Variants in HYCC1 observed in about 807,000 individuals in gnomAD.
The protein encoded by HYCC1 is hyccin PI4KA lipid kinase complex subunit 1.
chr7:22,961,794 T>C, the HYCC1 span, among the ~76,000 whole-genome samples: 1 of 152,148 alleles, frequency 6.6e-6, no homozygotes, highest in East Asian at 1.9e-4. Context: ...ATTTGCTACA[T>C]GTTGCAAATA....
At chr7:22,945,925 A>T in the HYCC1 span, 1 of 1,613,826 alleles carries the variant, frequency 6.2e-7, no homozygotes, top group Non-Finnish European at 8.5e-7. Flanking sequence ...GGGCTCTCTG[A>T]GTTTGTTTTC....
the HYCC1 span, among the ~76,000 whole-genome samples, chr7:22,959,465 T>C: frequency 6.6e-6 from 1 of 152,296 alleles, no homozygotes. Context: ...ACCTCTAATA[T>C]ACACGTTTGC....
the HYCC1 span, chr7:22,947,293 A>T: frequency 2.7e-6 from 4 of 1,474,740 alleles, no homozygotes; most frequent in African/African-American, 4.2e-5. Context: ...AAAACAAAAC[A>T]AAAACGTGAA....
chr7:22,924,806 T>C, the HYCC1 span, among the ~76,000 whole-genome samples: 1 of 152,344 alleles, frequency 6.6e-6, no homozygotes, highest in South Asian at 2.1e-4. Context: ...GACTTAAATA[T>C]CCCTGTCTGA....
chr7:22,948,481 A>C, the HYCC1 span, among the ~76,000 whole-genome samples: 1 of 152,274 alleles, frequency 6.6e-6, no homozygotes, highest in South Asian at 2.1e-4. Context: ...ATTTATAATT[A>C]GTGTGAGATA....
chr7:22,927,362 A>G, the HYCC1 span, among the ~76,000 whole-genome samples: 16 of 142,596 alleles, frequency 1.1e-4, no homozygotes, highest in Admixed American at 9.9e-4. Flanking sequence ...TAGAGACACA[A>G]AAAAGCCTTC....
chr7:22,931,935 T>C, the HYCC1 span, among the ~76,000 whole-genome samples: 1 of 152,172 alleles, frequency 6.6e-6, no homozygotes, highest in Non-Finnish European at 1.5e-5. Flanking sequence ...ATAGTATAAA[T>C]GCAAGAGGTG....
the HYCC1 span, among the ~76,000 whole-genome samples, chr7:22,908,898 A>T: frequency 2.6e-5 from 4 of 152,324 alleles, no homozygotes; most frequent in East Asian, 1.9e-4. Flanking sequence ...AAAGCCAGTT[A>T]TGCAGGCAGT....
the HYCC1 span, among the ~76,000 whole-genome samples, chr7:22,962,458 A>C: frequency 8.7e-4 from 132 of 152,268 alleles, no homozygotes; most frequent in African/African-American, 3.0e-3. Flanking sequence ...AGAAAAGTAC[A>C]AAGAGCCAGC....
the HYCC1 span, among the ~76,000 whole-genome samples, chr7:22,913,932 GAAC>G: frequency 5.3e-5 from 8 of 152,194 alleles, no homozygotes; most frequent in Non-Finnish European, 1.0e-4. Context: ...CAGGTCCTCA[GAAC>G]AACCAGCCCA....
chr7:22,930,375 T>TAAAAAAAAAAAA, the HYCC1 span, among the ~76,000 whole-genome samples: 1 of 84,248 alleles, frequency 1.2e-5, no homozygotes, highest in Non-Finnish European at 2.4e-5. Flanking sequence ...AGAAACAAAG[T>TAAAAAAAAAAAA]AAAAAGAAAA....
chr7:22,923,196 C>T, the HYCC1 span, among the ~76,000 whole-genome samples: 2 of 152,060 alleles, frequency 1.3e-5, no homozygotes, highest in Non-Finnish European at 2.9e-5. Context: ...AAAGGACATA[C>T]ATAATACAAA....
At chr7:22,924,856 T>G in the HYCC1 span, among the ~76,000 whole-genome samples, 1 of 152,076 alleles carries the variant, frequency 6.6e-6, no homozygotes, top group Non-Finnish European at 1.5e-5. Context: ...GCATGCAGTT[T>G]GAGATCTGAG....
At chr7:22,995,349 G>A in the HYCC1 span, among the ~76,000 whole-genome samples, 1 of 151,990 alleles carries the variant, frequency 6.6e-6, no homozygotes, top group Admixed American at 6.6e-5. Flanking sequence ...CTTAAATCTT[G>A]GTGATTTTTT....
chr7:22,946,961 C>T, the HYCC1 span: 1 of 1,546,444 alleles, frequency 6.5e-7, no homozygotes, highest in Non-Finnish European at 8.7e-7. Flanking sequence ...CCTTGGAGTG[C>T]AGTTATAAAG....
the HYCC1 span, among the ~76,000 whole-genome samples, chr7:22,974,905 T>C: frequency 0.014 from 2,160 of 152,266 alleles, 54 homozygotes; most frequent in African/African-American, 0.049. Context: ...AGGGGAGTTC[T>C]CCTGCATATG....
the HYCC1 span, among the ~76,000 whole-genome samples, chr7:22,975,863 T>C: frequency 6.6e-6 from 1 of 152,098 alleles, no homozygotes; most frequent in Non-Finnish European, 1.5e-5. Flanking sequence ...ACTACAGGCG[T>C]GCACCACCAT....
the HYCC1 span, among the ~76,000 whole-genome samples, chr7:22,994,372 G>A: frequency 0.069 from 10,501 of 152,020 alleles, 552 homozygotes; most frequent in East Asian, 0.26. Context: ...CAGATAAAAC[G>A]AATCCATTTG....
the HYCC1 span, among the ~76,000 whole-genome samples, chr7:22,989,037 C>T: frequency 2.6e-5 from 4 of 152,110 alleles, no homozygotes; most frequent in Non-Finnish European, 5.9e-5. Flanking sequence ...TCATGGTTTT[C>T]CATTTTTTAC....
Sources: allele counts gnomAD v4.1 joint callset (sites outside exome capture counted in the v4.1 genomes callset), GRCh38; gene constraint gnomAD v4.1.1; transcripts MANE v1.5; gene names NCBI Gene and HGNC (gene_info 2026-07-23, HGNC 2026-07-21).